NFATC1: variants seen among roughly 807,000 people sequenced by gnomAD.
NFATC1 encodes nuclear factor of activated T cells 1.
Under a neutral mutation model 76.0 loss-of-function variants are expected in NFATC1, and 22 were observed. The ratio of observed to expected loss-of-function variants is 0.29; its 90% CI spans 0.21 to 0.41. NFATC1 has a LOEUF of 0.41. NFATC1 is among the 10% of genes least tolerant of loss of function. The pLI, the probability that NFATC1 is intolerant of heterozygous loss-of-function variation, is 1.00. For missense variants in NFATC1, 1,357 were observed against 1,337.7 expected (o/e 1.01, Z -0.23); for synonymous variants, 704 against 613.1 (o/e 1.15, Z -2.19).
In NFATC1 at chr18:79,429,711, T is replaced by C. The variant is rs2086524112; in HGVS notation, c.1227-3868T>C. The stretch of plus-strand genomic sequence containing the variant: ...CAGATTTGTAGAGCTGCCAAATTCA[T>C]GCTGAAAATTTCTAACCAAAACCAA... On this transcript the variant is annotated intron_variant, in intron 2 of 9. Transcript: ENST00000427363. 2.0e-5 allele frequency among the ~76,000 whole-genome samples: 3 copies of C among 152,362 alleles called. No homozygotes were observed. The South Asian group carries it at 6.2e-4, about 32-fold the overall frequency.
Position 79,486,374 on chromosome 18 carries a change from C to A in NFATC1, c.2219C>A (p.Pro740His), listed in dbSNP as rs778369605. 6.2e-7 allele frequency: 1 copy of A among 1,613,048 alleles called. No individual in the cohort carries two copies. The highest frequency in any genetic ancestry group is 2.2e-5 in the East Asian group (1 of 44,874). ...CAGCAGCTCGCGATGCCACCCGACC[C>A]CAGCTCCTGCCTCGTGGCCGGCTTC... The part of the protein sequence containing the change: ...YSQQLAMPPD[P>H]SSCLVAGFPP... The change falls in exon 9 of 10, where the codon CCC (proline) becomes CAC (histidine). Residue 740 changes from proline (P) to histidine (H), a missense_variant. Pro to His is a moderately conservative substitution (Grantham distance 77). Coordinates refer to ENST00000427363, the MANE Select transcript of NFATC1 (RefSeq NM_001278669.2).
At chr18:79,471,733 A>T (rs1468598034) in intron 8 of NFATC1, among the ~76,000 whole-genome samples, 4 of 152,168 alleles carry the variant, frequency 2.6e-5, no homozygotes, top group Non-Finnish European at 4.4e-5. Context: ...TGCTGTGATG[A>T]CCCAGGCACA....
At chr18:79,450,906 C>A (rs1340760504) in intron 4 of NFATC1, 48 bp from the exon 5 acceptor site, 9 of 1,583,982 alleles carry the variant, frequency 5.7e-6, no homozygotes, top group Non-Finnish European at 6.9e-6. Flanking sequence ...CCTTTACGCT[C>A]CCGCGTCAGC....
At chr18:79,447,814 A>C (rs1375059437) in intron 3 of NFATC1, among the ~76,000 whole-genome samples, 5 of 152,246 alleles carry the variant, frequency 3.3e-5, no homozygotes, top group Non-Finnish European at 7.3e-5. Context: ...ATAAAAACAA[A>C]CAGTTCTAAA....
At chr18:79,489,032 A>G (rs1310304864) in intron 9 of NFATC1, among the ~76,000 whole-genome samples, 1 of 152,072 alleles carries the variant, frequency 6.6e-6, no homozygotes, top group Non-Finnish European at 1.5e-5. Flanking sequence ...GGGACTGTTG[A>G]CCCGCACGGT....
At chr18:79,464,491 A>G (rs1470132306) in intron 7 of NFATC1, among the ~76,000 whole-genome samples, 2 of 148,678 alleles carry the variant, frequency 1.3e-5, no homozygotes, top group African/African-American at 4.9e-5. Context: ...CATTTGGACA[A>G]TATAAAAAAG....
chr18:79,427,303 AT>A (rs2086376226), intron 2 of NFATC1, among the ~76,000 whole-genome samples: 1 of 151,826 alleles, frequency 6.6e-6, no homozygotes, highest in Non-Finnish European at 1.5e-5. Flanking sequence ...TATATGCCCA[AT>A]TTGCCAGCAT....
chr18:79,469,794 C>T (rs2088699293), intron 8 of NFATC1: 2 of 985,410 alleles, frequency 2.0e-6, no homozygotes, highest in South Asian at 4.7e-5. Flanking sequence ...ATCCCAGGTC[C>T]CCACAAGCAC....
chr18:79,525,010 A>ACCG (rs2090720029), intron 9 of NFATC1, among the ~76,000 whole-genome samples: 1 of 149,564 alleles, frequency 6.7e-6, no homozygotes, highest in Non-Finnish European at 1.5e-5. Flanking sequence ...CCCACATCCC[A>ACCG]TCATTACTAC....
intron 2 of NFATC1, among the ~76,000 whole-genome samples, chr18:79,424,670 T>C (rs895203784): frequency 5.9e-5 from 9 of 151,750 alleles, no homozygotes; most frequent in African/African-American, 2.2e-4. Flanking sequence ...TCTCTCCATC[T>C]CTGTCTCTGT....
At chr18:79,501,030 A>AAAT (rs149929536) in intron 9 of NFATC1, among the ~76,000 whole-genome samples, 9,759 of 152,212 alleles carry the variant, frequency 0.064, 403 homozygotes, top group Admixed American at 0.096. Context: ...TATCGTAAGA[A>AAAT]AAACTATAGA....
Position 79,453,466 on chromosome 18 carries a change from T to G in NFATC1, c.1903+1650T>G, listed in dbSNP as rs921159149. On this transcript the variant is annotated intron_variant, in intron 6 of 9. Coordinates refer to ENST00000427363, the MANE Select transcript of NFATC1 (RefSeq NM_001278669.2). ...AGCCAAGGGGATGCAGGACCAGCCC[T>G]GGCCTCATGCGGCCGCCCCTACAGG... is the stretch of plus-strand genomic sequence containing the variant. Among the ~76,000 whole-genome samples, 8 of 152,386 alleles carry G rather than the reference T, an allele frequency of 5.2e-5. No homozygotes were observed. The South Asian group carries it at 1.7e-3, about 32-fold the overall frequency.
chr18:79,523,135 A>G (rs78063199), intron 9 of NFATC1, among the ~76,000 whole-genome samples: 11,099 of 152,282 alleles, frequency 0.073, 486 homozygotes, highest in African/African-American at 0.1. Context: ...GCAGGTGCAC[A>G]AAGGGCCAGG....
chr18:79,526,568 C>T (rs925286977), intron 9 of NFATC1, among the ~76,000 whole-genome samples: 4 of 152,220 alleles, frequency 2.6e-5, no homozygotes, highest in African/African-American at 9.6e-5. Context: ...GAGCCTTGGG[C>T]GAGCCAGCCT....
At chr18:79,507,934 G>A (rs1052689268) in intron 9 of NFATC1, among the ~76,000 whole-genome samples, 1 of 152,260 alleles carries the variant, frequency 6.6e-6, no homozygotes, top group African/African-American at 2.4e-5. Flanking sequence ...CCCCGCAGCC[G>A]CAGTCGCCGC....
intron 3 of NFATC1, among the ~76,000 whole-genome samples, chr18:79,445,818 C>T (rs992590948): frequency 2.0e-5 from 3 of 152,188 alleles, no homozygotes; most frequent in African/African-American, 4.8e-5. Flanking sequence ...GTGAGACATT[C>T]CCACCCGTGA....
intron 9 of NFATC1, among the ~76,000 whole-genome samples, chr18:79,507,753 TC>T (rs1425819461): frequency 6.6e-6 from 1 of 152,232 alleles, no homozygotes; most frequent in African/African-American, 2.4e-5. Flanking sequence ...AAAAACCTTC[TC>T]CCTCGCCCTC....
At chr18:79,520,145 C>T (rs542988389) in intron 9 of NFATC1, among the ~76,000 whole-genome samples, 26 of 150,786 alleles carry the variant, frequency 1.7e-4, no homozygotes, top group Admixed American at 1.0e-3. Flanking sequence ...GGAAACTTGA[C>T]GGAGCCCATC....
rs112389971 is a variant in NFATC1, at chr18:79,488,946, C to T, written c.2782+2009C>T. ...GTGGCTTTATGGCGAGGGTAGAGTT[C>T]GGGGTGGGACTTGGGGTGGGTGAGC... On this transcript the variant is annotated intron_variant, in intron 9 of 9. Coordinates refer to ENST00000427363, the MANE Select transcript of NFATC1 (RefSeq NM_001278669.2). Among the ~76,000 whole-genome samples the T allele has an allele frequency of 4.9e-3, 648 of 131,148 alleles. 9 individuals are homozygous for T. Among genetic ancestry groups the T allele is most frequent in the African/African-American group, 0.018 (619 of 35,262 alleles). The allele number at this position is 131,148 out of a possible 152,430, so 86.0% of individuals were successfully genotyped here.
Sources: gnomAD v4.1 joint callset for allele counts (sites outside exome capture counted in the v4.1 genomes callset) on GRCh38, gnomAD v4.1.1 for gene constraint, MANE v1.5 for transcripts, NCBI Gene and HGNC (gene_info 2026-07-23, HGNC 2026-07-21) for gene names.